Variants in MAF observed in about 807,000 individuals in gnomAD.
MAF encodes the protein MAF bZIP transcription factor.
Under a neutral mutation model 22.0 loss-of-function variants are expected in MAF, and 10 were observed. The observed-to-expected ratio is 0.45, with a 90% CI of 0.28 to 0.77. The LOEUF is 0.77. Ranked by LOEUF, MAF falls within the 30% of genes least tolerant of loss-of-function variation. The pLI is 0.12. For synonymous variants in MAF, 337 were observed against 255.8 expected, an observed-to-expected ratio of 1.32 and a Z score of -3.03; for missense variants, 544 against 548.4, an observed-to-expected ratio of 0.99 and a Z score of 0.08.
chr16:79,418,714 G>T, the MAF span, among the ~76,000 whole-genome samples: 4 of 152,184 alleles, frequency 2.6e-5, no homozygotes, highest in Non-Finnish European at 5.9e-5. Context: ...CCTACCATAT[G>T]TAAGGACACA....
the MAF span, among the ~76,000 whole-genome samples, chr16:79,492,882 G>T: frequency 6.6e-6 from 1 of 152,196 alleles, no homozygotes; most frequent in Non-Finnish European, 1.5e-5. Context: ...GTTAGTGATT[G>T]GGAGGGCTAT....
the MAF span, among the ~76,000 whole-genome samples, chr16:79,512,956 G>A: frequency 3.7e-3 from 571 of 152,350 alleles, 3 homozygotes; most frequent in African/African-American, 0.013. Flanking sequence ...GAGAGGGGCT[G>A]AGTTGCAACA....
At chr16:79,362,081 C>T in the MAF span, among the ~76,000 whole-genome samples, 1 of 152,182 alleles carries the variant, frequency 6.6e-6, no homozygotes, top group Non-Finnish European at 1.5e-5. Context: ...TTGGAGGCCA[C>T]TTACCTATCT....
the MAF span, among the ~76,000 whole-genome samples, chr16:79,295,011 G>T: frequency 7.3e-6 from 1 of 137,582 alleles, no homozygotes; most frequent in Non-Finnish European, 1.5e-5. Context: ...CCTAGAGCAG[G>T]TTACAAGAAA....
chr16:79,471,941 A>T, the MAF span, among the ~76,000 whole-genome samples: 48 of 152,200 alleles, frequency 3.2e-4, no homozygotes, highest in African/African-American at 1.1e-3. Flanking sequence ...CTAAGTGCAG[A>T]CATGCTTTCT....
chr16:79,236,703 T>C, the MAF span, among the ~76,000 whole-genome samples: 5 of 152,054 alleles, frequency 3.3e-5, no homozygotes, highest in African/African-American at 1.2e-4. Context: ...GTAGGCCTTC[T>C]CCAGGCTCCG....
chr16:79,421,662 G>C, the MAF span, among the ~76,000 whole-genome samples: 1 of 140,698 alleles, frequency 7.1e-6, no homozygotes, highest in Non-Finnish European at 1.5e-5. Flanking sequence ...TTTGAGACAG[G>C]TTCTTGCTCT....
At chr16:79,288,117 G>A in the MAF span, among the ~76,000 whole-genome samples, 1 of 152,110 alleles carries the variant, frequency 6.6e-6, no homozygotes. Flanking sequence ...AGGGTGAAGG[G>A]GAAGCAGGGG....
downstream of MAF, among the ~76,000 whole-genome samples, chr16:79,583,803 A>G (rs112769091): frequency 6.6e-4 from 100 of 152,334 alleles, no homozygotes; most frequent in African/African-American, 2.4e-3. Flanking sequence ...TTCCCTGGCA[A>G]AGATGGTACC....
the MAF span, among the ~76,000 whole-genome samples, chr16:79,548,470 A>G: frequency 6.6e-6 from 1 of 152,224 alleles, no homozygotes; most frequent in African/African-American, 2.4e-5. Flanking sequence ...GGAGAAACAC[A>G]TTGGTTAGTT....
chr16:79,531,357 C>G, the MAF span, among the ~76,000 whole-genome samples: 2,625 of 152,252 alleles, frequency 0.017, 36 homozygotes, highest in Admixed American at 0.034. Context: ...ACACCAGGGA[C>G]TAGTTTCATA....
chr16:79,209,117 A>G, the MAF span, among the ~76,000 whole-genome samples: 1 of 152,234 alleles, frequency 6.6e-6, no homozygotes, highest in African/African-American at 2.4e-5. Flanking sequence ...TGGCAAAGGA[A>G]TCAAAGCCAT....
chr16:79,228,802 G>A, the MAF span, among the ~76,000 whole-genome samples: 3 of 151,896 alleles, frequency 2.0e-5, no homozygotes, highest in Admixed American at 1.3e-4. Flanking sequence ...AGGGCAGGGG[G>A]AGGTCCGCTC....
the MAF span, among the ~76,000 whole-genome samples, chr16:79,232,694 C>A: frequency 2.0e-5 from 3 of 151,932 alleles, no homozygotes; most frequent in African/African-American, 7.2e-5. Context: ...CTTTGTTCTC[C>A]ATGATGCCCT....
At chr16:79,470,482 G>C in the MAF span, among the ~76,000 whole-genome samples, 1 of 152,186 alleles carries the variant, frequency 6.6e-6, no homozygotes, top group Non-Finnish European at 1.5e-5. Flanking sequence ...CCATGTACCA[G>C]CCCCCACCAC....
the MAF span, among the ~76,000 whole-genome samples, chr16:79,234,682 T>C: frequency 1.8e-4 from 27 of 152,144 alleles, no homozygotes; most frequent in African/African-American, 6.5e-4. Context: ...AGAAAGCAGG[T>C]AGTGGTAGCC....
chr16:79,488,680 G>A, the MAF span, among the ~76,000 whole-genome samples: 1 of 152,084 alleles, frequency 6.6e-6, no homozygotes, highest in Admixed American at 6.5e-5. Context: ...CAGCTTTCAA[G>A]GGGACAATGC....
chr16:79,248,337 G>A, the MAF span, among the ~76,000 whole-genome samples: 102 of 152,226 alleles, frequency 6.7e-4, 1 homozygote, highest in African/African-American at 2.4e-3. Context: ...TACAGTGTCT[G>A]CAATAATAAT....
the MAF span, among the ~76,000 whole-genome samples, chr16:79,514,872 C>T: frequency 7.2e-5 from 11 of 152,324 alleles, no homozygotes; most frequent in South Asian, 6.2e-4. Context: ...CAACAGACCT[C>T]ATGGTTGCAA....
Sources: allele counts gnomAD v4.1 joint callset (sites outside exome capture counted in the v4.1 genomes callset), GRCh38; gene constraint gnomAD v4.1.1; transcripts MANE v1.5; gene names NCBI Gene and HGNC (gene_info 2026-07-23, HGNC 2026-07-21).